Variants in RUNDC3A observed in about 807,000 individuals in gnomAD.
The protein encoded by RUNDC3A is RUN domain-containing protein 3A.
A neutral mutation model predicts 53.9 loss-of-function variants in RUNDC3A; 28 were observed. The observed-to-expected ratio is 0.52, with a 90% CI of 0.38 to 0.71. The LOEUF (loss-of-function observed/expected upper bound fraction) is 0.71. Ranked by LOEUF, RUNDC3A falls within the 30% of genes least tolerant of loss-of-function variation. RUNDC3A has a pLI of 0.00. For synonymous variants in RUNDC3A, 232 were observed against 249.4 expected (o/e 0.93, Z 0.66); for missense variants, 491 against 597.3 (o/e 0.82, Z 1.85).
At chr17:44,317,300 G>T (rs897432872) in intron 10 of RUNDC3A, among the ~76,000 whole-genome samples, 3 of 152,258 alleles carry the variant, frequency 2.0e-5, no homozygotes, top group Admixed American at 1.3e-4. Context: ...TCTATTCTTT[G>T]TAAATGGGGA....
At chr17:44,317,463 C>T in intron 10 of RUNDC3A, 1 of 780,814 alleles carries the variant, frequency 1.3e-6, no homozygotes, top group Non-Finnish European at 2.4e-6. Flanking sequence ...ACCATTGTTT[C>T]CCCCTTCTCT....
At position 44,313,484 on chromosome 17, in the gene RUNDC3A, C is replaced by A; in HGVS notation, c.439C>A (p.Arg147Ser). The change falls in exon 4 of 11, where the codon CGT becomes AGT. Residue 147 changes from arginine (R) to serine (S), a missense_variant. Coordinates refer to ENST00000426726, the MANE Select transcript of RUNDC3A (RefSeq NM_001144825.2). ...RMSEYITTALRDTRTTRRFYD... is the reference protein window; with the variant it reads ...RMSEYITTALSDTRTTRRFYD... ...GTCAGAATACATCACCACGGCTCTG[C>A]GTGACACCCGGACCACCAGGTCAGA... The A allele has an allele frequency of 6.2e-7, 1 of 1,610,934 alleles. No individual in the cohort carries two copies. Among genetic ancestry groups the A allele is most frequent in the Non-Finnish European group, 8.5e-7 (1 of 1,177,420 alleles).
intron 1 of RUNDC3A, chr17:44,311,024 T>C (rs2047739405): frequency 1.0e-6 from 1 of 985,332 alleles, no homozygotes; most frequent in Admixed American, 6.1e-5. Flanking sequence ...GCAGGTACGA[T>C]TGTTCCCATT....
chr17:44,316,664 G>C lies in RUNDC3A; in HGVS notation c.1137G>C (p.Leu379=). The C allele has an allele frequency of 1.3e-6, 2 of 1,550,722 alleles. No individual in the cohort carries two copies. Among genetic ancestry groups the C allele is most frequent in the African/African-American group, 1.4e-5 (1 of 73,162 alleles). ...AGCCGCTGTCAGCTGAAGCCAGTCT[G>C]AGCTCGGACTCCCAGCGCCTGGGAG... ...STEPLSAEAS[L]SSDSQRLGEG... Residue 379 remains leucine (L), a synonymous_variant, in exon 10 of 11, where the codon CTG becomes CTC. Coordinates refer to ENST00000426726, the MANE Select transcript of RUNDC3A (RefSeq NM_001144825.2).
At chr17:44,312,989 G>A in intron 2 of RUNDC3A, 115 bp from the exon 3 acceptor site, 1 of 1,199,656 alleles carries the variant, frequency 8.3e-7, no homozygotes, top group Non-Finnish European at 1.2e-6. Flanking sequence ...GTGCATGTGT[G>A]TGCACAGATC....
At position 44,313,205 on chromosome 17, in the gene RUNDC3A, G is replaced by T. The variant is rs764934377; in HGVS notation, c.325G>T (p.Val109Leu). The T allele has an allele frequency of 6.2e-7, 1 of 1,613,916 alleles. No individual in the cohort carries two copies. Among genetic ancestry groups the T allele is most frequent in the South Asian group, 1.1e-5 (1 of 91,080 alleles). Residue 109 changes from valine (V) to leucine (L), a missense_variant, in exon 3 of 11, where the codon GTG becomes TTG. Transcript: ENST00000426726. ...CTGCAGCAAAGTGCCCAACAACTGT[G>T]TGAGCAGCATCGAGAACATGGAGAA... ...LACSKVPNNC[V>L]SSIENMENIS...
In RUNDC3A at chr17:44,315,448, G is replaced by T. The variant is rs1182790616; in HGVS notation, c.796-4G>T. ...GCCGCCCGGGCTGAGCCGGCGCCCC[G>T]CAGGGCTACCTGGAGGAGCTGGTGC... is the stretch of plus-strand genomic sequence containing the variant. On this transcript the variant is annotated splice_polypyrimidine_tract_variant and splice_region_variant and intron_variant, in intron 7 of 10. Transcript: ENST00000426726. The surrounding 1 kb of genome is among the most constrained non-coding windows in gnomAD (Gnocchi z 6.1). 4.8e-6 allele frequency: 7 copies of T among 1,456,774 alleles called. No homozygotes were observed. The South Asian group carries it at 8.3e-5, about 17-fold the overall frequency. 90.2% of individuals were successfully genotyped at this position (1,456,774 alleles called of 1,614,324 possible).
chr17:44,313,017 C>T (rs957196253), intron 2 of RUNDC3A, 87 bp from the exon 3 acceptor site: 21 of 1,439,882 alleles, frequency 1.5e-5, no homozygotes, highest in Non-Finnish European at 1.9e-5. Flanking sequence ...GAGGAGGCTG[C>T]TTATGCTTAT....
chr17:44,311,906 C>A (rs1306832588), intron 1 of RUNDC3A, among the ~76,000 whole-genome samples: 2 of 152,136 alleles, frequency 1.3e-5, no homozygotes, highest in Admixed American at 1.3e-4. Context: ...CAGGCCCATA[C>A]CCCGCACCTC....
At chr17:44,314,614 C>G in intron 4 of RUNDC3A, 121 bp from the exon 5 acceptor site, 2 of 1,470,310 alleles carry the variant, frequency 1.4e-6, no homozygotes, top group Non-Finnish European at 1.8e-6. Flanking sequence ...GCGTGCAGAT[C>G]AGGAAGGAGA....
At chr17:44,312,510 T>C in intron 1 of RUNDC3A, 70 bp from the exon 2 acceptor site, 1 of 863,190 alleles carries the variant, frequency 1.2e-6, no homozygotes. Context: ...GGTTGCTCCC[T>C]GTCTCTCCCT....
In RUNDC3A at chr17:44,308,768, C is replaced by A. The variant is rs1036857061; in HGVS notation, c.-65C>A. 1.0e-6 allele frequency: 1 copy of A among 990,028 alleles called. No homozygotes were observed. The highest frequency in any genetic ancestry group is 1.9e-5 in the African/African-American group (1 of 52,138). 61.3% of individuals were successfully genotyped at this position (990,028 alleles called of 1,614,324 possible). The stretch of plus-strand genomic sequence containing the variant: ...AGAGGGCCCAGCCGTGATCCAGCGA[C>A]GGGTTTGGGGCTCCGGGAGGGGTGG... On this transcript the variant is annotated 5_prime_UTR_variant, in exon 1 of 11. Coordinates refer to ENST00000426726, the MANE Select transcript of RUNDC3A (RefSeq NM_001144825.2).
At chr17:44,314,856 G>T in intron 5 of RUNDC3A, 32 bp downstream of exon 5, 1 of 1,613,924 alleles carries the variant, frequency 6.2e-7, no homozygotes, top group Non-Finnish European at 8.5e-7. Context: ...TGGTGGAGGG[G>T]GCTGTTTCCC....
chr17:44,310,203 T>A (rs2047723615), intron 1 of RUNDC3A, among the ~76,000 whole-genome samples: 1 of 152,242 alleles, frequency 6.6e-6, no homozygotes, highest in South Asian at 2.1e-4. Flanking sequence ...CTGCGCCACC[T>A]TGGGGAGGTC....
At position 44,315,067 on chromosome 17, in the gene RUNDC3A, A is replaced by T; in HGVS notation, c.629+58A>T. ...GACGGGGCCTCGGGACATCCTGGGG[A>T]CGTCCTGGTCCCACCGCCCTCAGCG... is the stretch of plus-strand genomic sequence containing the variant. On this transcript the variant is annotated intron_variant, in intron 6 of 10. Coordinates refer to ENST00000426726, the MANE Select transcript of RUNDC3A (RefSeq NM_001144825.2). The surrounding 1 kb of genome is among the most constrained non-coding windows in gnomAD (Gnocchi z 6.1). 1 of 1,609,152 alleles carries T rather than the reference A, an allele frequency of 6.2e-7. No individual in the cohort carries two copies. Among genetic ancestry groups the T allele is most frequent in the South Asian group, 1.1e-5 (1 of 90,924 alleles).
In RUNDC3A at chr17:44,308,880, C is replaced by T; in HGVS notation, c.48C>T (p.Ser16=). The T allele has an allele frequency of 1.2e-6, 2 of 1,611,500 alleles. No individual in the cohort carries two copies. The highest frequency in any genetic ancestry group is 1.7e-6 in the Non-Finnish European group (2 of 1,178,758). Residue 16 remains serine, a synonymous_variant, in exon 1 of 11, where the codon TCC becomes TCT. Transcript: ENST00000426726. ...CCACCATGGCTCTGGGGCTGTCCTC[C>T]AAGAAAGCGTCCTCTCGCAACGTGG... The part of the protein sequence containing the change: ...VQTTMALGLS[S]KKASSRNVAV...
chr17:44,316,529 C>G lies in RUNDC3A; in HGVS notation c.1091+7C>G. On this transcript the variant is annotated splice_region_variant and intron_variant, in intron 9 of 10. Coordinates refer to ENST00000426726, the MANE Select transcript of RUNDC3A (RefSeq NM_001144825.2). ...ACTCCAAGCTCTACCGGAGGTAAGC[C>G]CCAGCCAGGTGGGGCTTGGGCCTGA... 1 of 1,610,908 alleles carries G rather than the reference C, an allele frequency of 6.2e-7. No individual in the cohort carries two copies. The highest frequency in any genetic ancestry group is 1.3e-5 in the African/African-American group (1 of 74,982).
Position 44,318,263 on chromosome 17 carries a change from CCACCTGCCAGGGGCCATGGA to C in RUNDC3A, c.*35_*54del. The C allele has an allele frequency of 6.5e-7, 1 of 1,538,536 alleles. No individual in the cohort carries two copies. The highest frequency in any genetic ancestry group is 2.5e-5 in the East Asian group (1 of 40,560). ...AGGAACAGCATGGGCAGTGCCAGCC[CCACCTGCCAGGGGCCATGGA>C]CACCTGCCACCTTTCTTCAACAAGA... On this transcript the variant is annotated 3_prime_UTR_variant, in exon 11 of 11. Coordinates refer to ENST00000426726, the MANE Select transcript of RUNDC3A (RefSeq NM_001144825.2).
intron 3 of RUNDC3A, 64 bp from the exon 4 acceptor site, chr17:44,313,354 C>T: frequency 6.2e-7 from 1 of 1,609,360 alleles, no homozygotes; most frequent in Non-Finnish European, 8.5e-7. Flanking sequence ...GAGAAGGGCC[C>T]ACACCTGATG....
Sources: gnomAD v4.1 joint callset for allele counts (sites outside exome capture counted in the v4.1 genomes callset) on GRCh38, gnomAD v4.1.1 for gene constraint, Gnocchi (gnomAD v3.1) non-coding constraint, MANE v1.5 for transcripts, NCBI Gene and HGNC (gene_info 2026-07-23, HGNC 2026-07-21) for gene names.